Variants in ANXA4 observed in about 807,000 individuals in gnomAD.
ANXA4 encodes the protein 35-beta calcimedin.
In ANXA4, 39 loss-of-function variants were observed where a neutral mutation model predicts 49.8. The ratio of observed to expected loss-of-function variants is 0.78; its 90% confidence interval spans 0.61 to 1.02. The LOEUF is 1.02. Ranked by LOEUF, ANXA4 falls within the 50% of genes least tolerant of loss-of-function variation. The pLI is 0.00. For missense variants in ANXA4, 360 were observed against 410.1 expected, an observed-to-expected ratio of 0.88 and a Z score of 1.05; for synonymous variants, 134 against 152.5, an observed-to-expected ratio of 0.88 and a Z score of 0.89.
At chr2:69,753,576 G>A (rs563333374) in intron 1 of ANXA4, among the ~76,000 whole-genome samples, 1 of 152,352 alleles carries the variant, frequency 6.6e-6, no homozygotes, top group East Asian at 1.9e-4. Context: ...TCCAGGGCCA[G>A]GAGAAAGGGG....
intron 2 of ANXA4, among the ~76,000 whole-genome samples, chr2:69,681,552 A>G (rs1677601976): frequency 6.6e-6 from 1 of 151,942 alleles, no homozygotes; most frequent in African/African-American, 2.4e-5. Context: ...TTTAGTAGAA[A>G]TGGGGTTTCA....
intron 1 of ANXA4, among the ~76,000 whole-genome samples, chr2:69,761,256 T>C (rs543522099): frequency 1.3e-5 from 2 of 152,288 alleles, no homozygotes; most frequent in South Asian, 2.1e-4. Flanking sequence ...TATTTTAAAC[T>C]GATAGCACAT....
chr2:69,715,808 G>C (rs1176313208), intron 2 of ANXA4, among the ~76,000 whole-genome samples: 1 of 152,226 alleles, frequency 6.6e-6, no homozygotes, highest in Non-Finnish European at 1.5e-5. Flanking sequence ...GTAAGAAGGA[G>C]ACATCAGTGG....
intron 1 of ANXA4, among the ~76,000 whole-genome samples, chr2:69,774,709 C>T (rs904503594): frequency 6.6e-6 from 1 of 152,096 alleles, no homozygotes; most frequent in African/African-American, 2.4e-5. Flanking sequence ...GACAAATACC[C>T]CGATGATCAT....
rs146401881 is a variant in ANXA4 at position 69,705,644 on chromosome 2, AC to A, written n.767-15129del. On this transcript the variant is annotated intron_variant and non_coding_transcript_variant, in intron 2 of 3. Coordinates refer to the ANXA4 transcript ENST00000418066. The stretch of plus-strand genomic sequence containing the variant: ...ATTCTTACGTGTCTTTTAAGCACAT[AC>A]TTCTGGCTGGGAGTGGTGGCTCATG... Among the ~76,000 whole-genome samples the A allele has an allele frequency of 9.1e-3, 1,387 of 152,298 alleles. 23 individuals carry two copies. The highest frequency in any genetic ancestry group is 0.074 in the East Asian group (385 of 5,190).
intron 2 of ANXA4, among the ~76,000 whole-genome samples, chr2:69,656,228 T>A (rs139781069): frequency 7.5e-6 from 1 of 133,584 alleles, no homozygotes; most frequent in Non-Finnish European, 1.6e-5. Flanking sequence ...TATGTATATA[T>A]GTATATATAT....
chr2:69,649,620 T>TC (rs1676151585), intron 1 of ANXA4, among the ~76,000 whole-genome samples: 4 of 140,944 alleles, frequency 2.8e-5, no homozygotes, highest in Non-Finnish European at 4.6e-5. Flanking sequence ...TTTTTTTTTT[T>TC]TTTTTTTTTA....
intron 2 of ANXA4, among the ~76,000 whole-genome samples, chr2:69,681,351 C>T (rs567687628): frequency 6.7e-6 from 1 of 148,944 alleles, no homozygotes; most frequent in Admixed American, 6.7e-5. Flanking sequence ...TACAATGTCT[C>T]CTTTTTCATT....
intron 8 of ANXA4, among the ~76,000 whole-genome samples, chr2:69,814,558 AGGCTGGTCTCAAACTCCT>A (rs959559385): frequency 3.0e-4 from 45 of 151,952 alleles, no homozygotes; most frequent in African/African-American, 1.1e-3. Flanking sequence ...CATATTGCCC[AGGCTGGTCTCAAACTCCT>A]GGGCTCAAGC....
intron 1 of ANXA4, among the ~76,000 whole-genome samples, chr2:69,780,277 CT>C (rs1559183564): frequency 6.6e-6 from 1 of 152,178 alleles, no homozygotes; most frequent in East Asian, 1.9e-4. Flanking sequence ...TCGCTGCAAC[CT>C]CCACCTCCCA....
At chr2:69,770,178 G>A (rs573094656) in intron 1 of ANXA4, among the ~76,000 whole-genome samples, 3 of 152,084 alleles carry the variant, frequency 2.0e-5, no homozygotes, top group South Asian at 2.1e-4. Context: ...TTGAATACAC[G>A]TTTAAAATGT....
chr2:69,654,891 A>T (rs1676379498), intron 2 of ANXA4, among the ~76,000 whole-genome samples: 1 of 152,212 alleles, frequency 6.6e-6, no homozygotes, highest in African/African-American at 2.4e-5. Context: ...CAACCATCTG[A>T]TCTTTGACAA....
At chr2:69,791,923 G>C (rs1672710116) in intron 3 of ANXA4, among the ~76,000 whole-genome samples, 1 of 152,128 alleles carries the variant, frequency 6.6e-6, no homozygotes, top group Non-Finnish European at 1.5e-5. Flanking sequence ...AATTGTAATA[G>C]CACATATTCA....
intron 2 of ANXA4, among the ~76,000 whole-genome samples, chr2:69,782,200 T>C (rs1672227483): frequency 6.6e-6 from 1 of 152,176 alleles, no homozygotes; most frequent in South Asian, 2.1e-4. Flanking sequence ...GGTTTCTGAA[T>C]AGACAAGTAA....
intron 3 of ANXA4, among the ~76,000 whole-genome samples, chr2:69,732,324 T>C (rs1470123661): frequency 6.6e-6 from 1 of 150,572 alleles, no homozygotes; most frequent in African/African-American, 2.4e-5. Flanking sequence ...TTGATGGGAG[T>C]GGGGTTGTGG....
intron 12 of ANXA4, among the ~76,000 whole-genome samples, chr2:69,821,605 G>A (rs959397334): frequency 6.6e-6 from 1 of 152,080 alleles, no homozygotes; most frequent in Admixed American, 6.6e-5. Context: ...GAGTAGCTGG[G>A]ACTACAGGCA....
chr2:69,672,022 T>C (rs142737018), intron 2 of ANXA4, among the ~76,000 whole-genome samples: 1 of 152,312 alleles, frequency 6.6e-6, no homozygotes, highest in East Asian at 1.9e-4. Flanking sequence ...AGAAAAACTC[T>C]TGAGGATGGG....
At chr2:69,787,160 G>A (rs1176314709) in intron 2 of ANXA4, among the ~76,000 whole-genome samples, 1 of 152,084 alleles carries the variant, frequency 6.6e-6, no homozygotes, top group Non-Finnish European at 1.5e-5. Context: ...TCACCATAAT[G>A]CCATTCTTAT....
rs116366863 is a variant in ANXA4, at chr2:69,722,738, A to C, written n.864+1867A>C. Among the ~76,000 whole-genome samples the C allele has an allele frequency of 9.9e-3, 1,505 of 152,234 alleles. 22 individuals carry two copies. The highest frequency in any genetic ancestry group is 0.033 in the African/African-American group (1,358 of 41,512). On this transcript the variant is annotated intron_variant and non_coding_transcript_variant, in intron 3 of 3. Coordinates refer to the ANXA4 transcript ENST00000418066. Reference sequence around the variant, plus strand: ...GAATTTAATTAATGCCACTGAATTTATGCACGTCAAAATGTTTAAAACGGC... The same window carrying C: ...GAATTTAATTAATGCCACTGAATTTCTGCACGTCAAAATGTTTAAAACGGC...
Sources: allele counts gnomAD v4.1 joint callset (sites outside exome capture counted in the v4.1 genomes callset), GRCh38; gene constraint gnomAD v4.1.1; transcripts MANE v1.5; gene names NCBI Gene and HGNC (gene_info 2026-07-23, HGNC 2026-07-21).